Variants in GRIK2 observed in about 807,000 individuals in gnomAD.
GRIK2 encodes glutamate receptor ionotropic, kainate 2.
In GRIK2, 32 loss-of-function variants were observed where a neutral mutation model predicts 100.3. The observed-to-expected ratio is 0.32, with a 90% CI of 0.24 to 0.43. The LOEUF (loss-of-function observed/expected upper bound fraction) is 0.43, where lower values mean the gene tolerates loss of function less well. GRIK2 is among the 20% of genes least tolerant of loss of function. The pLI is 1.00. For synonymous variants in GRIK2, 417 were observed against 389.4 expected (o/e 1.07, Z -0.83); for missense variants, 843 against 1,114.9 (o/e 0.76, Z 3.47).
intron 14 of GRIK2, among the ~76,000 whole-genome samples, chr6:101,984,208 A>G (rs551839651): frequency 6.6e-6 from 1 of 151,872 alleles, no homozygotes; most frequent in South Asian, 2.1e-4. Context: ...TAATGGGAAA[A>G]GACCAGCACT....
chr6:101,705,294 T>C (rs1386468803), intron 7 of GRIK2, among the ~76,000 whole-genome samples: 1 of 151,558 alleles, frequency 6.6e-6, no homozygotes, highest in Non-Finnish European at 1.5e-5. Context: ...TCCTTCTTCT[T>C]CTTCTTCTTT....
intron 2 of GRIK2, among the ~76,000 whole-genome samples, chr6:101,617,813 A>G (rs1470129515): frequency 6.6e-6 from 1 of 151,576 alleles, no homozygotes; most frequent in African/African-American, 2.4e-5. Flanking sequence ...AGATTCTTTA[A>G]AAGAGAAGTC....
chr6:101,478,042 A>G, intron 2 of GRIK2, among the ~76,000 whole-genome samples: 1 of 152,170 alleles, frequency 6.6e-6, no homozygotes, highest in Admixed American at 6.5e-5. Context: ...TTTTTATGAA[A>G]AGGCTGATAG....
In GRIK2 at chr6:101,760,626, T is replaced by A. The variant is rs1275501300; in HGVS notation, c.952-39022T>A. Among the ~76,000 whole-genome samples the A allele has an allele frequency of 6.2e-5, 7 of 113,212 alleles. 1 individual carries two copies. Among genetic ancestry groups the A allele is most frequent in the Admixed American group, 3.4e-4 (3 of 8,812 alleles). 74.3% of individuals were successfully genotyped at this position (113,212 alleles called of 152,430 possible). On this transcript the variant is annotated intron_variant, in intron 7 of 16. Coordinates refer to ENST00000369134, the MANE Select transcript of GRIK2 (RefSeq NM_021956.5). ...TATATAATTATATTTAATTATATGT[T>A]TAATTATATATAATTATATATAATT...
chr6:101,739,786 G>A (rs1377967726), intron 7 of GRIK2, among the ~76,000 whole-genome samples: 1 of 152,048 alleles, frequency 6.6e-6, no homozygotes, highest in Non-Finnish European at 1.5e-5. Context: ...TGCTATCCTG[G>A]TAAATCTCCC....
intron 11 of GRIK2, among the ~76,000 whole-genome samples, chr6:101,877,960 G>T (rs930190946): frequency 6.6e-6 from 1 of 151,390 alleles, no homozygotes; most frequent in Non-Finnish European, 1.5e-5. Context: ...ACTTGGTTAT[G>T]TTCTCTGAGC....
At chr6:101,574,254 A>G (rs1777689239) in intron 2 of GRIK2, among the ~76,000 whole-genome samples, 2 of 149,076 alleles carry the variant, frequency 1.3e-5, no homozygotes. Context: ...TAGTTGAGGT[A>G]ACTGTTGTAT....
intron 13 of GRIK2, among the ~76,000 whole-genome samples, chr6:101,927,138 T>G (rs9498751): frequency 1.8e-4 from 28 of 152,268 alleles, no homozygotes; most frequent in African/African-American, 6.7e-4. Context: ...TGTCCAAGTT[T>G]GTCTGCTTTT....
At chr6:101,924,910 G>C (rs1481502685) in intron 13 of GRIK2, among the ~76,000 whole-genome samples, 191 bp downstream of exon 13, 1 of 152,112 alleles carries the variant, frequency 6.6e-6, no homozygotes, top group Non-Finnish European at 1.5e-5. Flanking sequence ...AAAATAATTA[G>C]CTTTTGCAAA....
intron 8 of GRIK2, among the ~76,000 whole-genome samples, chr6:101,801,827 C>G (rs1027583578): frequency 3.3e-5 from 5 of 151,704 alleles, no homozygotes; most frequent in Admixed American, 1.3e-4. Flanking sequence ...TTTCCCTTGC[C>G]CTTACTTAGT....
At chr6:101,948,337 C>T (rs530925709) in intron 14 of GRIK2, among the ~76,000 whole-genome samples, 2 of 150,256 alleles carry the variant, frequency 1.3e-5, no homozygotes, top group Non-Finnish European at 1.5e-5. Flanking sequence ...AAGTCTCTTC[C>T]GTTTACCCAG....
At chr6:101,536,030 G>A (rs992577357) in intron 2 of GRIK2, among the ~76,000 whole-genome samples, 18 of 151,574 alleles carry the variant, frequency 1.2e-4, no homozygotes, top group African/African-American at 4.4e-4. Context: ...GAAATCTTGA[G>A]GGACAAACAA....
At chr6:101,651,196 C>A (rs1490667580) in intron 4 of GRIK2, among the ~76,000 whole-genome samples, 1 of 152,024 alleles carries the variant, frequency 6.6e-6, no homozygotes, top group African/African-American at 2.4e-5. Context: ...AAAAACAATG[C>A]CTTAGCATTT....
chr6:101,824,506 C>T (rs982696595), intron 10 of GRIK2, among the ~76,000 whole-genome samples: 1 of 152,126 alleles, frequency 6.6e-6, no homozygotes, highest in African/African-American at 2.4e-5. Context: ...TTTTTCACTC[C>T]TGTCTGACTA....
At chr6:101,441,715 A>G (rs1280974389) in intron 2 of GRIK2, among the ~76,000 whole-genome samples, 1 of 152,030 alleles carries the variant, frequency 6.6e-6, no homozygotes, top group African/African-American at 2.4e-5. Flanking sequence ...GGTTTGGTGT[A>G]CAGATAATTT....
At chr6:101,792,675 A>T (rs1321717638) in intron 7 of GRIK2, among the ~76,000 whole-genome samples, 12 of 152,020 alleles carry the variant, frequency 7.9e-5, no homozygotes, top group Non-Finnish European at 8.8e-5. Flanking sequence ...TAAATCTGAC[A>T]ATTATGTGTC....
At chr6:101,911,940 A>G (rs1788721391) in intron 12 of GRIK2, among the ~76,000 whole-genome samples, 1 of 151,358 alleles carries the variant, frequency 6.6e-6, no homozygotes, top group Admixed American at 6.6e-5. Flanking sequence ...TGTAATGTCT[A>G]CCCTTGTGAG....
At chr6:101,475,948 A>T (rs902654315) in intron 2 of GRIK2, among the ~76,000 whole-genome samples, 1 of 152,092 alleles carries the variant, frequency 6.6e-6, no homozygotes, top group Non-Finnish European at 1.5e-5. Flanking sequence ...AAATATATAC[A>T]AAAGAGCCAA....
At chr6:101,982,744 A>G (rs1016215533) in intron 14 of GRIK2, among the ~76,000 whole-genome samples, 3 of 151,452 alleles carry the variant, frequency 2.0e-5, no homozygotes, top group Non-Finnish European at 4.4e-5. Flanking sequence ...ATAAGTGTAG[A>G]CTACAGCAAA....
Sources: allele counts gnomAD v4.1 joint callset (sites outside exome capture counted in the v4.1 genomes callset), GRCh38; gene constraint gnomAD v4.1.1; transcripts MANE v1.5; gene names NCBI Gene and HGNC (gene_info 2026-07-23, HGNC 2026-07-21).